The following ATL1 variants were observed in gnomAD, a reference collection of about 807,000 sequenced individuals.
ATL1 encodes atlastin-1.
In ATL1, 31 loss-of-function variants were observed where a neutral mutation model predicts 75.5. The observed-to-expected ratio is 0.41, with a 90% CI of 0.31 to 0.55. The LOEUF is 0.55. ATL1 is among the 20% of genes least tolerant of loss of function. The pLI, the probability that ATL1 is intolerant of heterozygous loss-of-function variation, is 0.27. For synonymous variants in ATL1, 226 were observed against 233.3 expected, an observed-to-expected ratio of 0.97 and a Z score of 0.28; for missense variants, 405 against 662.6, an observed-to-expected ratio of 0.61 and a Z score of 4.27.
intron 1 of ATL1, among the ~76,000 whole-genome samples, chr14:50,565,981 A>G (rs141820317): frequency 6.6e-6 from 1 of 151,978 alleles, no homozygotes; most frequent in Non-Finnish European, 1.5e-5. Context: ...CTTAAGGACA[A>G]CCTGTTTTGT....
intron 6 of ATL1, among the ~76,000 whole-genome samples, chr14:50,602,962 T>C (rs914276965): frequency 2.6e-5 from 4 of 152,132 alleles, no homozygotes; most frequent in Admixed American, 2.0e-4. Context: ...AAGCACATAT[T>C]TGAGGACAGA....
At chr14:50,597,438 C>T (rs1220007685) in intron 6 of ATL1, among the ~76,000 whole-genome samples, 2 of 151,850 alleles carry the variant, frequency 1.3e-5, no homozygotes, top group African/African-American at 4.8e-5. Flanking sequence ...AGAATATAAA[C>T]ACGTGTGATA....
chr14:50,581,830 C>CTAAT, intron 1 of ATL1, among the ~76,000 whole-genome samples: 1 of 152,174 alleles, frequency 6.6e-6, no homozygotes, highest in South Asian at 2.1e-4. Flanking sequence ...TGGCTACTGG[C>CTAAT]TAATGATGCT....
intron 8 of ATL1, among the ~76,000 whole-genome samples, chr14:50,617,250 A>G (rs1487196434): frequency 2.0e-5 from 3 of 152,238 alleles, no homozygotes; most frequent in African/African-American, 7.2e-5. Flanking sequence ...AAAGGAAATG[A>G]AAAAGATTAA....
intron 4 of ATL1, 91 bp downstream of exon 4, chr14:50,591,730 C>A (rs1322996127): frequency 2.2e-6 from 2 of 921,788 alleles, no homozygotes; most frequent in East Asian, 2.6e-5. Flanking sequence ...AGATAAACAA[C>A]AGAAATTGGG....
At chr14:50,586,049 A>G (rs1170736877) in intron 1 of ATL1, among the ~76,000 whole-genome samples, 3 of 152,224 alleles carry the variant, frequency 2.0e-5, no homozygotes, top group South Asian at 2.1e-4. Flanking sequence ...TGTGATATAT[A>G]TATATCAATG....
chr14:50,586,349 G>T (rs1189203058), intron 1 of ATL1, among the ~76,000 whole-genome samples: 1 of 152,058 alleles, frequency 6.6e-6, no homozygotes, highest in Non-Finnish European at 1.5e-5. Context: ...GCAGGGCTGG[G>T]TTTTTTTGTA....
chr14:50,603,568 C>A (rs554854880), intron 6 of ATL1, among the ~76,000 whole-genome samples: 22 of 152,152 alleles, frequency 1.4e-4, no homozygotes, highest in Non-Finnish European at 2.9e-4. Flanking sequence ...CTACACAGGA[C>A]AATTAGGAAT....
At chr14:50,608,276 C>T (rs1394101292) in intron 6 of ATL1, among the ~76,000 whole-genome samples, 2 of 151,272 alleles carry the variant, frequency 1.3e-5, no homozygotes, top group Non-Finnish European at 1.5e-5. Flanking sequence ...CATAGAAATC[C>T]ATACATGATG....
intron 1 of ATL1, among the ~76,000 whole-genome samples, chr14:50,544,035 G>A (rs1460663574): frequency 6.6e-6 from 1 of 152,194 alleles, no homozygotes; most frequent in African/African-American, 2.4e-5. Flanking sequence ...AACTACCATG[G>A]GGAAATTGGT....
intron 6 of ATL1, among the ~76,000 whole-genome samples, chr14:50,597,220 C>CAAAAAAAAAAAAAAAAAAAAAAAAA (rs372066395): frequency 2.7e-4 from 29 of 108,280 alleles, no homozygotes; most frequent in African/African-American, 8.3e-4. Flanking sequence ...AAAAAACAAA[C>CAAAAAAAAAAAAAAAAAAAAAAAAA]AAAAAAAAAA....
chr14:50,613,239 C>A lies in ATL1; in HGVS notation c.631-20C>A, dbSNP rs1566730748. On this transcript the variant is annotated intron_variant, in intron 6 of 13. Transcript: ENST00000358385. ...GGCACCTTAAAGTCCTCATATCAAT[C>A]CTTTCTTATTATTTTTTAGAGTCTG... The A allele has an allele frequency of 1.3e-6, 2 of 1,587,586 alleles. No homozygotes were observed. Among genetic ancestry groups the A allele is most frequent in the Non-Finnish European group, 1.7e-6 (2 of 1,157,166 alleles).
At chr14:50,611,520 T>C (rs61982196) in intron 6 of ATL1, among the ~76,000 whole-genome samples, 41,234 of 152,018 alleles carry the variant, frequency 0.27, 6,435 homozygotes, top group South Asian at 0.37. Context: ...AGAGGAAATC[T>C]GAGAATGCTG....
chr14:50,600,367 GCTGA>G (rs1274891682), intron 6 of ATL1, among the ~76,000 whole-genome samples: 2 of 151,890 alleles, frequency 1.3e-5, no homozygotes, highest in Non-Finnish European at 2.9e-5. Flanking sequence ...AAAAGTTTTC[GCTGA>G]CTGAGTCAAC....
At chr14:50,559,943 G>A, upstream of ATL1, 1 of 439,586 alleles carries the variant, frequency 2.3e-6, no homozygotes, top group South Asian at 2.6e-5. Flanking sequence ...GGGGGGTGCT[G>A]TTTATTTGTT....
At chr14:50,615,400 C>T (rs906452169) in intron 8 of ATL1, among the ~76,000 whole-genome samples, 1 of 152,114 alleles carries the variant, frequency 6.6e-6, no homozygotes. Flanking sequence ...AAAGAAAGGA[C>T]AATATAACTT....
chr14:50,575,637 G>A (rs1374887842), intron 1 of ATL1, among the ~76,000 whole-genome samples: 1 of 152,108 alleles, frequency 6.6e-6, no homozygotes, highest in African/African-American at 2.4e-5. Flanking sequence ...AAAAGTAACA[G>A]TTCTTTTTAA....
intron 1 of ATL1, among the ~76,000 whole-genome samples, chr14:50,572,466 T>C (rs988420867): frequency 8.5e-5 from 13 of 152,162 alleles, no homozygotes; most frequent in African/African-American, 2.9e-4. Context: ...TCTATCCATT[T>C]CATCAAGCTG....
intron 6 of ATL1, among the ~76,000 whole-genome samples, chr14:50,606,524 T>C (rs530785604): frequency 3.1e-4 from 47 of 152,056 alleles, no homozygotes; most frequent in Non-Finnish European, 6.2e-4. Context: ...TGATTTTGTA[T>C]TATGTGCTAT....
Sources: gnomAD v4.1 joint callset for allele counts (sites outside exome capture counted in the v4.1 genomes callset) on GRCh38, gnomAD v4.1.1 for gene constraint, MANE v1.5 for transcripts, NCBI Gene and HGNC (gene_info 2026-07-23, HGNC 2026-07-21) for gene names.